ILDR1: variants seen among roughly 807,000 people sequenced by gnomAD.
ILDR1 encodes the protein immunoglobulin-like domain-containing receptor 1.
Under a neutral mutation model 62.4 loss-of-function variants are expected in ILDR1, and 56 were observed. The observed-to-expected ratio is 0.90, with a 90% CI of 0.72 to 1.12. The LOEUF is 1.12. ILDR1 is among the 50% of genes most tolerant of loss of function. The pLI is 0.00. For missense variants in ILDR1, 736 were observed against 710.6 expected, an observed-to-expected ratio of 1.04 and a Z score of -0.41; for synonymous variants, 284 against 277.8, an observed-to-expected ratio of 1.02 and a Z score of -0.22.
At chr3:121,995,990 C>G (rs540000400) in intron 5 of ILDR1, among the ~76,000 whole-genome samples, 1 of 152,188 alleles carries the variant, frequency 6.6e-6, no homozygotes, top group South Asian at 2.1e-4. Context: ...TGTGATGAAG[C>G]AAAAAACCTT....
At chr3:121,999,208 A>G (rs1174252949) in intron 5 of ILDR1, among the ~76,000 whole-genome samples, 1 of 152,214 alleles carries the variant, frequency 6.6e-6, no homozygotes, top group African/African-American at 2.4e-5. Flanking sequence ...CCCTTAAAAA[A>G]TTTCCTTTCA....
intron 2 of ILDR1, among the ~76,000 whole-genome samples, chr3:122,006,128 C>G (rs1019893013): frequency 6.6e-6 from 1 of 152,160 alleles, no homozygotes; most frequent in Non-Finnish European, 1.5e-5. Flanking sequence ...GTGGCTCAGA[C>G]AGCTCTTGAG....
the ILDR1 span, among the ~76,000 whole-genome samples, chr3:122,050,639 T>TG: frequency 9.3e-3 from 155 of 16,648 alleles, 2 homozygotes; most frequent in East Asian, 0.083. Context: ...TCTATGCTTT[T>TG]GTTTTTTTTA....
chr3:121,988,315 A>G lies in ILDR1; in HGVS notation c.*52T>C, dbSNP rs1398494643. On this transcript the variant is annotated 3_prime_UTR_variant, in exon 8 of 8. Transcript: ENST00000344209. ...TCAGCTGGAAACCTAGGTGATGCTG[A>G]TGACACACAGGAGCCGAGAAGTAGC... 6.6e-7 allele frequency: 1 copy of G among 1,510,412 alleles called. No homozygotes were observed. The highest frequency in any genetic ancestry group is 9.2e-7 in the Non-Finnish European group (1 of 1,085,684). The allele number at this position is 1,510,412 out of a possible 1,614,324, so 93.6% of individuals were successfully genotyped here.
chr3:122,029,007 C>G, the ILDR1 span, among the ~76,000 whole-genome samples: 1 of 152,096 alleles, frequency 6.6e-6, no homozygotes, highest in South Asian at 2.1e-4. Context: ...GAATAATAGA[C>G]AAACAGAGTG....
At chr3:122,017,313 T>A (rs372600303) in intron 1 of ILDR1, among the ~76,000 whole-genome samples, 1 of 151,844 alleles carries the variant, frequency 6.6e-6, no homozygotes, top group African/African-American at 2.4e-5. Flanking sequence ...CCTCCCAAAG[T>A]GTTAGGATTA....
Position 121,994,270 on chromosome 3 carries a change from A to C in ILDR1, c.690T>G (p.Gly230=). ...HRYMKQAQAL[G]PQMMGKPLYW... ...ACAGGGGTTTTCCCATCATCTGAGG[A>C]CCTAGGGCCTGGGCCTGCTTCATGT... Residue 230 remains glycine, a synonymous_variant, in exon 6 of 8, where the codon GGT becomes GGG. Coordinates refer to ENST00000344209, the MANE Select transcript of ILDR1 (RefSeq NM_001199799.2). The C allele has an allele frequency of 6.5e-7, 1 of 1,536,000 alleles. No individual in the cohort carries two copies. The highest frequency in any genetic ancestry group is 8.7e-7 in the Non-Finnish European group (1 of 1,146,838).
intron 1 of ILDR1, 41 bp from the exon 2 acceptor site, chr3:122,007,202 T>C (rs1484216465): frequency 6.2e-7 from 1 of 1,613,784 alleles, no homozygotes; most frequent in Non-Finnish European, 8.5e-7. Context: ...GGTGACCTAC[T>C]CTGCTCATGG....
intron 3 of ILDR1, among the ~76,000 whole-genome samples, 177 bp from the exon 4 acceptor site, chr3:122,002,041 G>T (rs568994590): frequency 6.6e-6 from 1 of 152,304 alleles, no homozygotes; most frequent in African/African-American, 2.4e-5. Context: ...TCTGGAGACC[G>T]AGGTGGGAGG....
At chr3:122,012,064 A>T (rs2071712149) in intron 1 of ILDR1, among the ~76,000 whole-genome samples, 1 of 152,206 alleles carries the variant, frequency 6.6e-6, no homozygotes, top group Admixed American at 6.5e-5. Context: ...CAGATTGGGA[A>T]GGAAAGGCAG....
chr3:122,023,799 AG>A (rs2071898046), upstream of ILDR1, among the ~76,000 whole-genome samples: 1 of 152,124 alleles, frequency 6.6e-6, no homozygotes, highest in African/African-American at 2.4e-5. Context: ...CAGCAGCAGC[AG>A]CAGCAGCAGC....
At chr3:122,044,525 C>A in the ILDR1 span, among the ~76,000 whole-genome samples, 1 of 148,996 alleles carries the variant, frequency 6.7e-6, no homozygotes, top group Non-Finnish European at 1.5e-5. Context: ...TGGTAGAATT[C>A]GGCTGTGAAT....
chr3:122,053,694 T>G, the ILDR1 span, among the ~76,000 whole-genome samples: 3 of 152,196 alleles, frequency 2.0e-5, no homozygotes, highest in Non-Finnish European at 4.4e-5. Flanking sequence ...CAGTGTATAC[T>G]TGATGTACTA....
intron 5 of ILDR1, among the ~76,000 whole-genome samples, chr3:121,999,161 G>A (rs913474220): frequency 6.6e-6 from 1 of 152,106 alleles, no homozygotes; most frequent in South Asian, 2.1e-4. Context: ...TGTAGATCAG[G>A]TTTTGTTTCT....
chr3:122,040,801 C>A, the ILDR1 span, among the ~76,000 whole-genome samples: 3 of 147,814 alleles, frequency 2.0e-5, no homozygotes, highest in African/African-American at 7.4e-5. Flanking sequence ...TGAAAAACTG[C>A]AATACTAGAA....
chr3:121,990,553 T>G (rs1301773111), intron 7 of ILDR1, among the ~76,000 whole-genome samples: 1 of 152,192 alleles, frequency 6.6e-6, no homozygotes, highest in Non-Finnish European at 1.5e-5. Flanking sequence ...AGAAATAAAG[T>G]CACCAGAAGA....
At chr3:122,029,671 C>A in the ILDR1 span, among the ~76,000 whole-genome samples, 5,051 of 151,822 alleles carry the variant, frequency 0.033, 263 homozygotes, top group African/African-American at 0.12. Flanking sequence ...ACTAGACATG[C>A]AAAATCATTT....
At chr3:122,039,490 A>C in the ILDR1 span, among the ~76,000 whole-genome samples, 1 of 152,122 alleles carries the variant, frequency 6.6e-6, no homozygotes, top group Non-Finnish European at 1.5e-5. Context: ...GATATATTTA[A>C]AGTGCTGTAA....
At chr3:122,048,114 G>A in the ILDR1 span, among the ~76,000 whole-genome samples, 1 of 152,152 alleles carries the variant, frequency 6.6e-6, no homozygotes, top group African/African-American at 2.4e-5. Flanking sequence ...TTATGTTGAG[G>A]TAAATTCCTT....
Sources: allele counts gnomAD v4.1 joint callset (sites outside exome capture counted in the v4.1 genomes callset), GRCh38; gene constraint gnomAD v4.1.1; transcripts MANE v1.5; gene names NCBI Gene and HGNC (gene_info 2026-07-23, HGNC 2026-07-21).